Variants in PTCSC3 observed in about 807,000 individuals in gnomAD.
PTCSC3 encodes the protein papillary thyroid carcinoma susceptibility candidate 3, also known as papillary thyroid carcinoma susceptibility candidate 3 (non-protein coding).
intron 2 of PTCSC3, among the ~76,000 whole-genome samples, chr14:36,162,279 A>AAAAC (rs1881979855): frequency 2.7e-5 from 3 of 112,398 alleles, no homozygotes; most frequent in Admixed American, 2.6e-4. Context: ...AAAAAAAAAA[A>AAAAC]AAAAAACTCC....
intron 1 of PTCSC3, among the ~76,000 whole-genome samples, chr14:36,164,745 C>T (rs759188929): frequency 6.6e-6 from 1 of 152,166 alleles, no homozygotes; most frequent in African/African-American, 2.4e-5. Flanking sequence ...TTCTGCATTG[C>T]TGCCAGGAGA....
intron 1 of PTCSC3, among the ~76,000 whole-genome samples, chr14:36,169,427 A>G (rs1882153734): frequency 6.6e-6 from 1 of 152,114 alleles, no homozygotes; most frequent in Non-Finnish European, 1.5e-5. Flanking sequence ...TACCTTTGAG[A>G]GAGAATGGAG....
At position 36,145,950 on chromosome 14, in the gene PTCSC3, G is replaced by A. The variant is rs1275106007; in HGVS notation, n.322+7854C>T. Among the ~76,000 whole-genome samples the A allele has an allele frequency of 7.0e-4, 106 of 152,036 alleles. 2 individuals carry two copies. In the East Asian group the frequency reaches 0.017, roughly 25 times the overall value. On this transcript the variant is annotated intron_variant and non_coding_transcript_variant, in intron 3 of 3. Transcript: ENST00000556013. The stretch of plus-strand genomic sequence containing the variant: ...TAGTCATTCAGGAGCAGGTTGTTCA[G>A]TTTCCATGTAGTTGAGCGGTTTTGA...
chr14:36,173,643 G>A (rs1448387456), intron 1 of PTCSC3, among the ~76,000 whole-genome samples: 4 of 148,536 alleles, frequency 2.7e-5, no homozygotes, highest in South Asian at 4.3e-4. Flanking sequence ...TCCTGAAGAC[G>A]TTTGTCTAAA....
intron 1 of PTCSC3, among the ~76,000 whole-genome samples, chr14:36,169,852 A>G (rs2139113002): frequency 6.6e-6 from 1 of 152,262 alleles, no homozygotes; most frequent in Non-Finnish European, 1.5e-5. Flanking sequence ...GGGACAGAAG[A>G]TACAACAATC....
intron 1 of PTCSC3, among the ~76,000 whole-genome samples, chr14:36,173,000 CCTAT>C (rs1000677202): frequency 1.3e-5 from 2 of 151,826 alleles, no homozygotes; most frequent in African/African-American, 4.8e-5. Flanking sequence ...TAGGTTCTCA[CCTAT>C]CTTTTTCTGC....
At chr14:36,136,873 G>T (rs1020527950) in intron 3 of PTCSC3, among the ~76,000 whole-genome samples, 1 of 152,154 alleles carries the variant, frequency 6.6e-6, no homozygotes, top group African/African-American at 2.4e-5. Flanking sequence ...TGAATGGCTA[G>T]AAGTTTTTCA....
chr14:36,141,215 T>G (rs1224848014), intron 3 of PTCSC3, among the ~76,000 whole-genome samples: 2 of 152,216 alleles, frequency 1.3e-5, no homozygotes, highest in Non-Finnish European at 1.5e-5. Flanking sequence ...TTGGCTCTTC[T>G]GAGTGTTTTG....
At chr14:36,167,981 G>A (rs1049197092) in intron 1 of PTCSC3, among the ~76,000 whole-genome samples, 5 of 152,044 alleles carry the variant, frequency 3.3e-5, no homozygotes, top group African/African-American at 1.2e-4. Context: ...CTCACAAAAA[G>A]ACACCCCCTC....
At chr14:36,147,264 A>G (rs1330160752) in intron 3 of PTCSC3, among the ~76,000 whole-genome samples, 2 of 152,170 alleles carry the variant, frequency 1.3e-5, no homozygotes, top group Non-Finnish European at 2.9e-5. Flanking sequence ...ATGTTTTCCA[A>G]TTTGGTTCCA....
chr14:36,161,374 T>G (rs1480711649), intron 2 of PTCSC3, among the ~76,000 whole-genome samples: 2 of 152,232 alleles, frequency 1.3e-5, no homozygotes, highest in African/African-American at 4.8e-5. Flanking sequence ...ACCTTTGGTC[T>G]TTGATGCTGG....
chr14:36,146,491 C>G (rs1881571185), intron 3 of PTCSC3, among the ~76,000 whole-genome samples: 1 of 151,126 alleles, frequency 6.6e-6, no homozygotes, highest in African/African-American at 2.4e-5. Context: ...CAACCCCTGC[C>G]TTTTTTTGTT....
At chr14:36,157,882 T>C (rs1221165084) in intron 2 of PTCSC3, among the ~76,000 whole-genome samples, 2 of 151,950 alleles carry the variant, frequency 1.3e-5, no homozygotes, top group Admixed American at 6.6e-5. Flanking sequence ...ATTCTTCCTA[T>C]CCATGAGCAT....
intron 1 of PTCSC3, among the ~76,000 whole-genome samples, chr14:36,175,038 C>G (rs1036311994): frequency 1.3e-5 from 2 of 152,170 alleles, no homozygotes; most frequent in Admixed American, 1.3e-4. Flanking sequence ...CAATCCAACT[C>G]TCAGTCACTG....
chr14:36,145,540 T>C (rs1460171386), intron 3 of PTCSC3, among the ~76,000 whole-genome samples: 1 of 141,190 alleles, frequency 7.1e-6, no homozygotes, highest in Non-Finnish European at 1.5e-5. Context: ...GTCTATTTGA[T>C]TCTTCTCTCT....
At chr14:36,139,357 A>G (rs539185720) in intron 3 of PTCSC3, among the ~76,000 whole-genome samples, 4 of 152,352 alleles carry the variant, frequency 2.6e-5, no homozygotes, top group South Asian at 2.1e-4. Flanking sequence ...AACAGCATAT[A>G]GTGCACAACT....
At chr14:36,161,193 A>G (rs1881948457) in intron 2 of PTCSC3, among the ~76,000 whole-genome samples, 1 of 152,048 alleles carries the variant, frequency 6.6e-6, no homozygotes, top group African/African-American at 2.4e-5. Context: ...GGAGTTTGTT[A>G]TTACCCACCT....
intron 3 of PTCSC3, among the ~76,000 whole-genome samples, chr14:36,147,344 T>C (rs1881600205): frequency 6.6e-6 from 1 of 152,236 alleles, no homozygotes; most frequent in Non-Finnish European, 1.5e-5. Context: ...CCATATTTCT[T>C]GGAGGCTTTG....
intron 1 of PTCSC3, among the ~76,000 whole-genome samples, chr14:36,171,424 C>T (rs1882190148): frequency 6.6e-6 from 1 of 152,048 alleles, no homozygotes; most frequent in East Asian, 1.9e-4. Flanking sequence ...AAGAAATGTG[C>T]TATACTGAAA....
Sources: gnomAD v4.1 joint callset for allele counts (sites outside exome capture counted in the v4.1 genomes callset) on GRCh38, gnomAD v4.1.1 for gene constraint, MANE v1.5 for transcripts, NCBI Gene and HGNC (gene_info 2026-07-23, HGNC 2026-07-21) for gene names.